Variants in MYH13 observed in about 807,000 individuals in gnomAD.
MYH13 encodes the protein myosin-13.
Under a neutral mutation model 232.1 loss-of-function variants are expected in MYH13, and 177 were observed. The ratio of observed to expected loss-of-function variants is 0.76; its 90% confidence interval spans 0.67 to 0.86. MYH13 has a LOEUF of 0.86. Among genes scored for constraint, MYH13 ranks in the 40% least tolerant of loss-of-function variants. MYH13 has a pLI of 0.00. For missense variants in MYH13, 2,246 were observed against 2,405.9 expected, an observed-to-expected ratio of 0.93 and a Z score of 1.39; for synonymous variants, 884 against 923.5, an observed-to-expected ratio of 0.96 and a Z score of 0.78.
In MYH13 at chr17:10,344,077, C is replaced by T. The variant is rs772076895; in HGVS notation, c.1617G>A (p.Glu539=). 1.3e-5 allele frequency: 21 copies of T among 1,613,966 alleles called. No homozygotes were observed. Among genetic ancestry groups the T allele is most frequent in the Non-Finnish European group, 1.6e-5 (19 of 1,179,952 alleles). ...TGTCTGTTGCCTTGGGGAACATGCA[C>T]TCCTCTTCCAGGATGGAGAAGATGC... ...PMGIFSILEE[E]CMFPKATDTS... Residue 539 remains glutamate, a synonymous_variant, in exon 16 of 41, where the codon GAG becomes GAA. Transcript: ENST00000252172.
rs1302443859 is a variant in MYH13 at position 10,333,185 on chromosome 17, A to C, written c.2063T>G (p.Met688Arg). The C allele has an allele frequency of 6.5e-7, 1 of 1,546,338 alleles. No homozygotes were observed. The change falls in exon 19 of 41, where the codon ATG becomes AGG. Residue 688 changes from methionine (M) to arginine (R), a missense_variant. By Grantham distance (91) the Met-to-Arg change is moderately conservative (BLOSUM62 -1). Transcript: ENST00000252172. ...IPNETKTPGVMDHYLVMHQLR... is the reference protein window; with the variant it reads ...IPNETKTPGVRDHYLVMHQLR... ...CTGGTGCATGACCAAGTAGTGGTCC[A>C]TCACACCTGGAGAGAGAACGTCCCG...
At chr17:10,341,605 C>T (rs8071436) in intron 16 of MYH13, 61,397 of 151,996 alleles carry the variant, frequency 0.4, 15,245 homozygotes, top group Non-Finnish European at 0.57. Context: ...TCCCAGTCTC[C>T]CCCATGTTCC....
At chr17:10,346,091 G>A (rs546696926) in intron 13 of MYH13, among the ~76,000 whole-genome samples, 6 of 151,306 alleles carry the variant, frequency 4.0e-5, no homozygotes, top group Non-Finnish European at 8.8e-5. Flanking sequence ...AATATTTTAT[G>A]AGGTGTTTGC....
chr17:10,345,605 C>T lies in MYH13; in HGVS notation c.1275G>A (p.Ser425=), dbSNP rs368819674. 42 of 1,614,018 alleles carry T rather than the reference C, an allele frequency of 2.6e-5. No homozygotes were observed. Among genetic ancestry groups the T allele is most frequent in the African/African-American group, 8.0e-5 (6 of 74,906 alleles). The part of the protein sequence containing the change: ...KGQNVQQVTN[S]VGALAKAVYE... ...AGACGGCTTTGGCCAGAGCACCCAC[C>T]GAATTGGTCACCTTGAAAAAGGATC... Residue 425 remains serine (S), a synonymous_variant, in exon 14 of 41, where the codon TCG becomes TCA. Coordinates refer to ENST00000252172, the MANE Select transcript of MYH13 (RefSeq NM_003802.3).
intron 31 of MYH13, 132 bp from the exon 32 acceptor site, chr17:10,312,208 C>T (rs922439406): frequency 1.9e-5 from 19 of 1,018,900 alleles, no homozygotes; most frequent in Admixed American, 4.9e-5. Flanking sequence ...GGAGGAGGAG[C>T]ACTGTTCTAG....
intron 1 of MYH13, 31 bp from the exon 2 acceptor site, chr17:10,371,290 C>CA (rs1194260610): frequency 6.6e-6 from 1 of 151,818 alleles, no homozygotes; most frequent in Non-Finnish European, 1.5e-5. Flanking sequence ...AAAAACAAAC[C>CA]AAAAAAACCC....
At chr17:10,359,906 G>A (rs1390761462) in intron 7 of MYH13, 54 bp downstream of exon 7, 16 of 1,502,732 alleles carry the variant, frequency 1.1e-5, no homozygotes, top group South Asian at 4.5e-5. Flanking sequence ...GCTCATCCAC[G>A]CTTTAAAGTA....
At chr17:10,361,216 A>G (rs932092658) in intron 5 of MYH13, among the ~76,000 whole-genome samples, 1 of 152,322 alleles carries the variant, frequency 6.6e-6, no homozygotes, top group African/African-American at 2.4e-5. Flanking sequence ...TGTGAGACAG[A>G]AATGACAGAA....
Position 10,312,760 on chromosome 17 carries a change from A to T in MYH13, c.4182-3T>A. On this transcript the variant is annotated splice_region_variant and splice_polypyrimidine_tract_variant and intron_variant, in intron 30 of 40. Coordinates refer to ENST00000252172, the MANE Select transcript of MYH13 (RefSeq NM_003802.3). ...GGAGCCTCTGGGCCAGTTTTTTCCT[A>T]CGAAAACCAGATTTTTTTTTTCCCC... 6.3e-7 allele frequency: 1 copy of T among 1,592,078 alleles called. No homozygotes were observed. Among genetic ancestry groups the T allele is most frequent in the Middle Eastern group, 1.7e-4 (1 of 5,924 alleles).
In MYH13 at chr17:10,301,601, G is replaced by A. The variant is rs903207887; in HGVS notation, c.5770C>T (p.Leu1924=). ...CCCACGTCTCGGCTCTTGGCCCTCA[G>A]CTTGTTGACCTGGGACTCAGCGATG... ...ADIAESQVNK[L]RAKSRDVGSQ... Residue 1924 remains leucine, a synonymous_variant, in exon 40 of 41, where the codon CTG becomes TTG. Coordinates refer to ENST00000252172, the MANE Select transcript of MYH13 (RefSeq NM_003802.3). 1 of 1,614,174 alleles carries A rather than the reference G, an allele frequency of 6.2e-7. No homozygotes were observed. The highest frequency in any genetic ancestry group is 8.5e-7 in the Non-Finnish European group (1 of 1,180,032).
chr17:10,357,917 G>C (rs2071761356), intron 7 of MYH13, 90 bp from the exon 8 acceptor site: 1 of 1,158,114 alleles, frequency 8.6e-7, no homozygotes, highest in Non-Finnish European at 1.3e-6. Context: ...ACTCTGGGCA[G>C]GTTCAGGTAG....
intron 35 of MYH13, among the ~76,000 whole-genome samples, chr17:10,307,606 A>G (rs915258799): frequency 2.0e-5 from 3 of 152,346 alleles, no homozygotes; most frequent in African/African-American, 7.2e-5. Flanking sequence ...CTCATTAGCA[A>G]TAAAAAAAAT....
chr17:10,323,777 A>AG (rs1907070930), intron 23 of MYH13, among the ~76,000 whole-genome samples: 4 of 106,296 alleles, frequency 3.8e-5, no homozygotes, highest in African/African-American at 1.3e-4. Context: ...AAAAAAAAAA[A>AG]AAAAAAAAAA....
At chr17:10,339,208 C>G (rs901452909) in intron 18 of MYH13, among the ~76,000 whole-genome samples, 1 of 152,132 alleles carries the variant, frequency 6.6e-6, no homozygotes, top group Admixed American at 6.5e-5. Flanking sequence ...AGTTAGCTAC[C>G]CCATAGCCAC....
In MYH13 at chr17:10,309,320, C is replaced by T; in HGVS notation, c.5083G>A (p.Ala1695Thr). 6.2e-7 allele frequency: 1 copy of T among 1,613,948 alleles called. No homozygotes were observed. The highest frequency in any genetic ancestry group is 8.5e-7 in the Non-Finnish European group (1 of 1,179,850). The part of the protein sequence containing the change: ...LLEELEEMKV[A>T]LEQTERTRRL... ...CGGGTCCGCTCCGTCTGTTCCAGGG[C>T]CACCTTCATTTCCTCCAGCTCCTCC... is the stretch of plus-strand genomic sequence containing the variant. The change falls in exon 35 of 41, where the codon GCC becomes ACC. Residue 1695 changes from alanine to threonine, a missense_variant. Transcript: ENST00000252172.
intron 21 of MYH13, 129 bp from the exon 22 acceptor site, chr17:10,328,250 G>A: frequency 1.9e-6 from 2 of 1,053,642 alleles, no homozygotes; most frequent in South Asian, 1.6e-5. Flanking sequence ...GCCAAGCTTG[G>A]CAGATCCTCT....
intron 27 of MYH13, among the ~76,000 whole-genome samples, chr17:10,316,415 C>A (rs191516402): frequency 4.6e-5 from 7 of 152,144 alleles, no homozygotes; most frequent in African/African-American, 1.7e-4. Flanking sequence ...GAGCCGAGAT[C>A]ATGCCATTGC....
intron 39 of MYH13, among the ~76,000 whole-genome samples, chr17:10,302,964 T>G (rs956167115): frequency 2.0e-5 from 3 of 149,854 alleles, no homozygotes; most frequent in African/African-American, 7.4e-5. Context: ...ATGAAGGGGA[T>G]GGAGGGGGCT....
At chr17:10,322,860 C>T (rs1055680086) in intron 23 of MYH13, among the ~76,000 whole-genome samples, 2 of 152,116 alleles carry the variant, frequency 1.3e-5, no homozygotes, top group African/African-American at 4.8e-5. Context: ...GTCTCGATCT[C>T]CTGACCTCGT....
Sources: gnomAD v4.1 joint callset for allele counts (sites outside exome capture counted in the v4.1 genomes callset) on GRCh38, gnomAD v4.1.1 for gene constraint, MANE v1.5 for transcripts, NCBI Gene and HGNC (gene_info 2026-07-23, HGNC 2026-07-21) for gene names.